The following ARHGEF10L variants were observed in gnomAD, a reference collection of about 807,000 sequenced individuals.
The protein encoded by ARHGEF10L is rho guanine nucleotide exchange factor 10-like protein.
In ARHGEF10L, 69 loss-of-function variants were observed where a neutral mutation model predicts 141.2. That is an observed-to-expected ratio of 0.49 (90% confidence interval 0.40 to 0.60). The LOEUF (loss-of-function observed/expected upper bound fraction) is 0.60, where lower values mean the gene tolerates loss of function less well. Ranked by LOEUF, ARHGEF10L falls within the 20% of genes least tolerant of loss-of-function variation. The pLI is 0.00. For synonymous variants in ARHGEF10L, 711 were observed against 718.5 expected, an observed-to-expected ratio of 0.99 and a Z score of 0.17; for missense variants, 1,482 against 1,734.3, an observed-to-expected ratio of 0.85 and a Z score of 2.58.
the ARHGEF10L span, among the ~76,000 whole-genome samples, chr1:17,518,822 A>AAAAG: frequency 0.015 from 1,210 of 78,486 alleles, 63 homozygotes; most frequent in Non-Finnish European, 0.019. Context: ...AAAAAAAAAA[A>AAAAG]AAAGAAAGAA....
chr1:17,572,348 G>A (rs2078037711), intron 1 of ARHGEF10L, among the ~76,000 whole-genome samples: 1 of 152,162 alleles, frequency 6.6e-6, no homozygotes, highest in Admixed American at 6.5e-5. Flanking sequence ...GTTTAGCTGT[G>A]GGTTAGCTCC....
intron 28 of ARHGEF10L, among the ~76,000 whole-genome samples, chr1:17,696,143 G>A (rs984356389): frequency 6.6e-6 from 1 of 151,780 alleles, no homozygotes; most frequent in Non-Finnish European, 1.5e-5. Context: ...AACCCGGGAG[G>A]TGGAGGTTGC....
chr1:17,676,443 G>C (rs917292966), intron 26 of ARHGEF10L, among the ~76,000 whole-genome samples: 29 of 150,088 alleles, frequency 1.9e-4, no homozygotes, highest in African/African-American at 7.0e-4. Flanking sequence ...TGCAGGTGTG[G>C]GTGCAGGTGT....
chr1:17,674,036 G>T (rs1432165870), intron 26 of ARHGEF10L, among the ~76,000 whole-genome samples: 1 of 152,178 alleles, frequency 6.6e-6, no homozygotes. Flanking sequence ...TTGTGGGTGC[G>T]TATGTCCGCA....
chr1:17,550,659 A>AT (rs976199523), intron 1 of ARHGEF10L, among the ~76,000 whole-genome samples: 3 of 149,520 alleles, frequency 2.0e-5, no homozygotes, highest in African/African-American at 4.9e-5. Context: ...CGAAAAAAAA[A>AT]AAGCCAAAAA....
At chr1:17,633,809 C>A (rs1450856717) in intron 16 of ARHGEF10L, among the ~76,000 whole-genome samples, 1 of 152,214 alleles carries the variant, frequency 6.6e-6, no homozygotes, top group East Asian at 1.9e-4. Flanking sequence ...TCAGCTTGGG[C>A]CTTCCTGGGT....
At chr1:17,647,074 G>A (rs1054762738) in intron 21 of ARHGEF10L, among the ~76,000 whole-genome samples, 7 of 152,102 alleles carry the variant, frequency 4.6e-5, no homozygotes, top group African/African-American at 1.4e-4. Context: ...CCTCCTAGGG[G>A]AGGGGCAGGC....
At chr1:17,559,834 T>A (rs1570465509) in intron 1 of ARHGEF10L, among the ~76,000 whole-genome samples, 1 of 152,126 alleles carries the variant, frequency 6.6e-6, no homozygotes, top group East Asian at 1.9e-4. Flanking sequence ...GTGACTGTCC[T>A]CCTCCAGCCA....
intron 27 of ARHGEF10L, 191 bp from the exon 28 acceptor site, chr1:17,694,967 C>T (rs772183296): frequency 1.3e-6 from 1 of 795,616 alleles, no homozygotes; most frequent in Non-Finnish European, 2.2e-6. Flanking sequence ...GAGTGCTCAG[C>T]TGCAGGACCT....
Position 17,648,410 on chromosome 1 carries a change from C to T in ARHGEF10L, c.2273-144C>T, listed in dbSNP as rs557097153. On this transcript the variant is annotated intron_variant, in intron 21 of 28. Transcript: ENST00000361221. Reference sequence around the variant, plus strand: ...TCCTGAGGCTGGATTTCATCTCAGTCCGGCAGGAGTAGGGTGGGGAGTGAC... The same window carrying T: ...TCCTGAGGCTGGATTTCATCTCAGTTCGGCAGGAGTAGGGTGGGGAGTGAC... The T allele has an allele frequency of 1.1e-5, 11 of 1,032,462 alleles. No individual in the cohort carries two copies. The South Asian group carries it at 1.8e-4, about 17-fold the overall frequency. 64.0% of individuals were successfully genotyped at this position (1,032,462 alleles called of 1,614,324 possible).
chr1:17,587,093 C>T (rs374447419), intron 2 of ARHGEF10L, among the ~76,000 whole-genome samples: 12 of 152,328 alleles, frequency 7.9e-5, no homozygotes, highest in African/African-American at 2.9e-4. Flanking sequence ...CATCAACACA[C>T]AAACATACAA....
At chr1:17,661,731 C>T (rs2062638361) in intron 25 of ARHGEF10L, among the ~76,000 whole-genome samples, 1 of 152,260 alleles carries the variant, frequency 6.6e-6, no homozygotes, top group African/African-American at 2.4e-5. Flanking sequence ...CTTCCAGCCA[C>T]GAACACTACT....
At chr1:17,568,601 G>GT (rs2077860565) in intron 1 of ARHGEF10L, among the ~76,000 whole-genome samples, 1 of 152,160 alleles carries the variant, frequency 6.6e-6, no homozygotes, top group Admixed American at 6.5e-5. Flanking sequence ...GGATGTCGGG[G>GT]GGTGCTTGAA....
chr1:17,599,829 A>G (rs1232116080), intron 4 of ARHGEF10L, among the ~76,000 whole-genome samples: 1 of 152,224 alleles, frequency 6.6e-6, no homozygotes, highest in Non-Finnish European at 1.5e-5. Context: ...GACCTGCACC[A>G]CCCAGTCCAG....
chr1:17,641,069 C>T (rs2061303821), intron 21 of ARHGEF10L, among the ~76,000 whole-genome samples: 1 of 152,206 alleles, frequency 6.6e-6, no homozygotes, highest in African/African-American at 2.4e-5. Flanking sequence ...TGGCCTGACT[C>T]CAAAGCCCAG....
intron 2 of ARHGEF10L, among the ~76,000 whole-genome samples, chr1:17,582,447 G>A (rs1175078852): frequency 6.6e-6 from 1 of 152,198 alleles, no homozygotes; most frequent in Admixed American, 6.5e-5. Context: ...CTCATTCTCT[G>A]AGAGCTTCCC....
chr1:17,688,079 A>G (rs946287353), intron 27 of ARHGEF10L, among the ~76,000 whole-genome samples: 1 of 152,208 alleles, frequency 6.6e-6, no homozygotes, highest in Non-Finnish European at 1.5e-5. Context: ...ATTCTGCCCC[A>G]CTGCCCAGGT....
At chr1:17,538,656 A>G (rs1249340560), upstream of ARHGEF10L, among the ~76,000 whole-genome samples, 1 of 149,998 alleles carries the variant, frequency 6.7e-6, no homozygotes, top group African/African-American at 2.5e-5. Context: ...TCTCACTGGT[A>G]GCCCCTGAGG....
chr1:17,608,683 G>A (rs2081394438), intron 7 of ARHGEF10L, among the ~76,000 whole-genome samples: 2 of 152,308 alleles, frequency 1.3e-5, no homozygotes, highest in South Asian at 2.1e-4. Flanking sequence ...AAGAGGCAGT[G>A]TCTGTCCGTG....
Sources: gnomAD v4.1 joint callset for allele counts (sites outside exome capture counted in the v4.1 genomes callset) on GRCh38, gnomAD v4.1.1 for gene constraint, MANE v1.5 for transcripts, NCBI Gene and HGNC (gene_info 2026-07-23, HGNC 2026-07-21) for gene names.